Variants in PRKACB observed in about 807,000 individuals in gnomAD.
PRKACB encodes the protein protein kinase cAMP-activated catalytic subunit beta, also known as cAMP-dependent protein kinase catalytic subunit beta.
In PRKACB, 16 loss-of-function variants were observed where a neutral mutation model predicts 51.4. The ratio of observed to expected loss-of-function variants is 0.31; its 90% CI spans 0.21 to 0.47. The LOEUF is 0.47. Ranked by LOEUF, PRKACB falls within the 20% of genes least tolerant of loss-of-function variation. The probability of loss-of-function intolerance (pLI) is 1.00; values close to 1 mark genes in which losing one functional copy is unlikely to be tolerated. For missense variants in PRKACB, 309 were observed against 464.5 expected (o/e 0.67, Z 3.08); for synonymous variants, 147 against 154.4 (o/e 0.95, Z 0.35).
intron 1 of PRKACB, among the ~76,000 whole-genome samples, chr1:84,111,116 A>T (rs746520326): frequency 1.3e-5 from 2 of 152,062 alleles, no homozygotes; most frequent in Non-Finnish European, 1.5e-5. Flanking sequence ...AATTATCTTT[A>T]TGGTGCTCCA....
At chr1:84,144,103 A>G (rs1348296614), upstream of PRKACB, among the ~76,000 whole-genome samples, 1 of 152,194 alleles carries the variant, frequency 6.6e-6, no homozygotes, top group African/African-American at 2.4e-5. Context: ...TATTAATATT[A>G]AAACACCCAA....
At chr1:84,137,979 A>G (rs989369749) in intron 1 of PRKACB, among the ~76,000 whole-genome samples, 4 of 152,186 alleles carry the variant, frequency 2.6e-5, no homozygotes, top group African/African-American at 9.7e-5. Flanking sequence ...GGAATAGGCA[A>G]ATGTTAGTAT....
intron 1 of PRKACB, among the ~76,000 whole-genome samples, chr1:84,110,114 C>T (rs1379996146): frequency 6.6e-6 from 1 of 151,816 alleles, no homozygotes; most frequent in Non-Finnish European, 1.5e-5. Flanking sequence ...AAACATGATA[C>T]AGATAGCCCT....
At chr1:84,199,826 CTATT>C (rs1669539953) in intron 7 of PRKACB, among the ~76,000 whole-genome samples, 2 of 137,000 alleles carry the variant, frequency 1.5e-5, no homozygotes, top group African/African-American at 5.1e-5. Flanking sequence ...TATTTTTTGA[CTATT>C]TGTTTATTTA....
chr1:84,214,350 T>C, intron 9 of PRKACB, 33 bp downstream of exon 9: 4 of 1,515,660 alleles, frequency 2.6e-6, no homozygotes, highest in Non-Finnish European at 3.5e-6. Flanking sequence ...AAAAGCTTTT[T>C]TAAAGTTGGT....
chr1:84,089,046 A>C (rs1055033500), intron 1 of PRKACB, among the ~76,000 whole-genome samples: 2 of 152,154 alleles, frequency 1.3e-5, no homozygotes, highest in Non-Finnish European at 2.9e-5. Flanking sequence ...TAGCACTTGT[A>C]CTACATTGCT....
intron 9 of PRKACB, among the ~76,000 whole-genome samples, chr1:84,223,385 T>C (rs1363509087): frequency 4.0e-5 from 6 of 150,462 alleles, no homozygotes; most frequent in Admixed American, 4.0e-4. Flanking sequence ...TTTGTTTTTT[T>C]TGAAATGGTG....
At chr1:84,141,273 T>G (rs1450951794), upstream of PRKACB, among the ~76,000 whole-genome samples, 1 of 152,110 alleles carries the variant, frequency 6.6e-6, no homozygotes, top group East Asian at 1.9e-4. Context: ...GAAACACCGC[T>G]AGGAAGAATA....
At chr1:84,184,287 G>T in intron 4 of PRKACB, 152 bp downstream of exon 4, 1 of 636,314 alleles carries the variant, frequency 1.6e-6, no homozygotes. Context: ...ATCCTATTGT[G>T]CTTATAACTT....
intron 8 of PRKACB, among the ~76,000 whole-genome samples, chr1:84,203,858 C>T (rs545111039): frequency 4.0e-5 from 6 of 151,788 alleles, no homozygotes; most frequent in East Asian, 1.9e-4. Context: ...AGAGATAAGC[C>T]GGAAGGAGAT....
chr1:84,236,088 C>T lies in PRKACB; in HGVS notation c.*783C>T, dbSNP rs1676635512. On this transcript the variant is annotated 3_prime_UTR_variant, in exon 10 of 10. Transcript: ENST00000370685. ...ATCACCCAGATTCTCTCACTTGGTA[C>T]CAGCATTTCTGTAGGTATTAGAGAA... 1 of 152,594 alleles carries T rather than the reference C, an allele frequency of 6.6e-6. No homozygotes were observed. The highest frequency in any genetic ancestry group is 1.5e-5 in the Non-Finnish European group (1 of 68,032). The allele number at this position is 152,594 out of a possible 1,614,324, so 9.5% of individuals were successfully genotyped here.
At chr1:84,201,418 A>G (rs1670065918) in intron 7 of PRKACB, among the ~76,000 whole-genome samples, 1 of 152,072 alleles carries the variant, frequency 6.6e-6, no homozygotes, top group African/African-American at 2.4e-5. Context: ...TTTGATTTCT[A>G]TACCTTGGGT....
rs1653749390 is a variant in PRKACB at position 84,144,400 on chromosome 1, A to G, written c.39A>G (p.Thr13=). Residue 13 remains threonine (T), a synonymous_variant, in exon 1 of 10, where the codon ACA becomes ACG. Coordinates refer to ENST00000370685, the MANE Select transcript of PRKACB (RefSeq NM_182948.4). ...GAGAACCACCTTGTAACCAGTATAC[A>G]GGTACAACTACAGCTCTTCAGAAAT... The part of the protein sequence containing the change: ...AYREPPCNQY[T]GTTTALQKLE... The G allele has an allele frequency of 1.2e-6, 2 of 1,613,234 alleles. No homozygotes were observed. The highest frequency in any genetic ancestry group is 2.2e-5 in the South Asian group (2 of 91,010).
intron 1 of PRKACB, among the ~76,000 whole-genome samples, chr1:84,110,657 CCTAAT>C (rs1161066713): frequency 6.6e-6 from 1 of 151,838 alleles, no homozygotes; most frequent in African/African-American, 2.4e-5. Context: ...GTAGAGTTTC[CCTAAT>C]CTATAGTGTT....
chr1:84,125,611 C>T (rs1181508618), intron 1 of PRKACB, among the ~76,000 whole-genome samples: 1 of 152,104 alleles, frequency 6.6e-6, no homozygotes, highest in East Asian at 1.9e-4. Context: ...GAGCCTACGA[C>T]CTTTGGTATG....
At chr1:84,190,225 T>C (rs965396576) in intron 5 of PRKACB, among the ~76,000 whole-genome samples, 1 of 151,946 alleles carries the variant, frequency 6.6e-6, no homozygotes. Context: ...AGCAATTTGT[T>C]TTAGTTTTTA....
At chr1:84,146,932 T>C (rs1011717123) in intron 1 of PRKACB, among the ~76,000 whole-genome samples, 12 of 152,050 alleles carry the variant, frequency 7.9e-5, no homozygotes, top group Admixed American at 3.9e-4. Context: ...CATGCACATA[T>C]AAATACATGA....
chr1:84,183,051 A>T (rs1388154157), intron 3 of PRKACB, among the ~76,000 whole-genome samples: 5 of 152,040 alleles, frequency 3.3e-5, no homozygotes, highest in Admixed American at 1.3e-4. Flanking sequence ...GCTCAATATT[A>T]TCAGTATACT....
At chr1:84,202,130 C>G (rs528301543) in intron 7 of PRKACB, among the ~76,000 whole-genome samples, 52 of 152,162 alleles carry the variant, frequency 3.4e-4, no homozygotes, top group African/African-American at 1.2e-3. Flanking sequence ...TTACATTAAA[C>G]TTTTTGCTTT....
Sources: gnomAD v4.1 joint callset for allele counts (sites outside exome capture counted in the v4.1 genomes callset) on GRCh38, gnomAD v4.1.1 for gene constraint, MANE v1.5 for transcripts, NCBI Gene and HGNC (gene_info 2026-07-23, HGNC 2026-07-21) for gene names.